Variants in TTC28 observed in about 807,000 individuals in gnomAD.
TTC28 encodes tetratricopeptide repeat domain 28.
Under a neutral mutation model 198.0 loss-of-function variants are expected in TTC28, and 61 were observed. The observed-to-expected ratio is 0.31, with a 90% CI of 0.25 to 0.38. The LOEUF (loss-of-function observed/expected upper bound fraction) is 0.38. Among genes scored for constraint, TTC28 ranks in the 10% least tolerant of loss-of-function variants. The pLI, the probability that TTC28 is intolerant of heterozygous loss-of-function variation, is 1.00. For missense variants in TTC28, 2,678 were observed against 3,164.0 expected, an observed-to-expected ratio of 0.85 and a Z score of 3.69; for synonymous variants, 1,171 against 1,297.8, an observed-to-expected ratio of 0.90 and a Z score of 2.10.
intron 2 of TTC28, among the ~76,000 whole-genome samples, chr22:28,495,769 A>C (rs571348659): frequency 6.6e-6 from 1 of 152,284 alleles, no homozygotes; most frequent in African/African-American, 2.4e-5. Context: ...AAAATTGTTC[A>C]AGTGCCTCCT....
intron 5 of TTC28, among the ~76,000 whole-genome samples, chr22:28,242,911 G>T (rs1370602530): frequency 2.0e-5 from 3 of 151,704 alleles, no homozygotes; most frequent in African/African-American, 7.3e-5. Context: ...AAAGTATGTA[G>T]AATGGTGCTG....
At chr22:27,983,927 C>A in intron 22 of TTC28, 76 bp from the exon 23 acceptor site, 1 of 1,427,758 alleles carries the variant, frequency 7.0e-7, no homozygotes, top group Admixed American at 2.7e-5. Flanking sequence ...AAATTTACGA[C>A]ATCTTTATAT....
chr22:28,205,246 G>C (rs1926302974), intron 5 of TTC28, among the ~76,000 whole-genome samples: 1 of 151,972 alleles, frequency 6.6e-6, no homozygotes, highest in South Asian at 2.1e-4. Flanking sequence ...GAGAGGGAGA[G>C]AGAAATGACT....
rs578198731 is a variant in TTC28, at chr22:28,421,024, G to C, written c.382-114381C>G. On this transcript the variant is annotated intron_variant, in intron 2 of 22. Transcript: ENST00000397906. The stretch of plus-strand genomic sequence containing the variant: ...CATCCAAAAAGTATCATAATTATGA[G>C]TGATCTAATAAAATGGTCTTTCCCT... Among the ~76,000 whole-genome samples, 96 of 152,192 alleles carry C rather than the reference G, an allele frequency of 6.3e-4. 1 individual carries two copies. In the South Asian group the frequency reaches 0.02, roughly 31 times the overall value.
chr22:28,046,856 CATGTGTGTTTGT>C (rs1270721061), intron 12 of TTC28, among the ~76,000 whole-genome samples: 1 of 152,094 alleles, frequency 6.6e-6, no homozygotes, highest in Non-Finnish European at 1.5e-5. Flanking sequence ...GATATACGTG[CATGTGTGTTTGT>C]ATGTGTGTGT....
chr22:28,535,461 T>C (rs1446810489), intron 2 of TTC28, among the ~76,000 whole-genome samples: 1 of 152,236 alleles, frequency 6.6e-6, no homozygotes, highest in Non-Finnish European at 1.5e-5. Context: ...ATACTTTTTG[T>C]TGCTAAATTT....
chr22:28,345,697 T>C (rs2045893431), intron 2 of TTC28, among the ~76,000 whole-genome samples: 2 of 152,220 alleles, frequency 1.3e-5, no homozygotes, highest in South Asian at 4.1e-4. Context: ...AAGACTTTTA[T>C]TGAATAGAAA....
At chr22:28,412,385 G>A (rs2047094750) in intron 2 of TTC28, among the ~76,000 whole-genome samples, 1 of 152,178 alleles carries the variant, frequency 6.6e-6, no homozygotes, top group African/African-American at 2.4e-5. Context: ...AGAAGTGGGA[G>A]AAGAGCTCAT....
intron 5 of TTC28, among the ~76,000 whole-genome samples, chr22:28,254,150 G>A (rs1429646339): frequency 6.6e-6 from 1 of 151,314 alleles, no homozygotes; most frequent in African/African-American, 2.4e-5. Context: ...TGAAAGGAAA[G>A]TAATGAGTCC....
At chr22:28,532,951 T>A (rs912159015) in intron 2 of TTC28, among the ~76,000 whole-genome samples, 5 of 152,190 alleles carry the variant, frequency 3.3e-5, no homozygotes, top group Non-Finnish European at 7.3e-5. Flanking sequence ...GCCAATGTCA[T>A]ACTGAATGGG....
At chr22:28,030,909 G>A (rs1287451473) in intron 12 of TTC28, among the ~76,000 whole-genome samples, 1 of 152,232 alleles carries the variant, frequency 6.6e-6, no homozygotes, top group Non-Finnish European at 1.5e-5. Context: ...ACAAGTGGTT[G>A]CAATGCTAGC....
chr22:28,628,567 C>A (rs2051115269), intron 2 of TTC28, among the ~76,000 whole-genome samples: 1 of 152,092 alleles, frequency 6.6e-6, no homozygotes, highest in Non-Finnish European at 1.5e-5. Context: ...TATATATCTG[C>A]AACTTTATAT....
chr22:28,003,450 G>A (rs1937797624), intron 14 of TTC28, among the ~76,000 whole-genome samples: 2 of 152,198 alleles, frequency 1.3e-5, no homozygotes, highest in South Asian at 2.1e-4. Flanking sequence ...CACTGTTCCA[G>A]AGTCGCAGGG....
chr22:28,094,080 C>T lies in TTC28; in HGVS notation c.3932G>A (p.Arg1311Lys), dbSNP rs780193552. Residue 1311 changes from arginine to lysine, a missense_variant and splice_region_variant, in exon 12 of 23, where the codon AGG becomes AAG. Around this residue, in one of 8 missense-constraint regions of TTC28, gnomAD observed 727 missense variants for 861.9 expected, o/e 0.84. Coordinates refer to ENST00000397906, the MANE Select transcript of TTC28 (RefSeq NM_001145418.2). ...EALGVESHYS[R>K]ACASSETESE... ...GACTTGGGGATGTTTTACTACCTAC[C>T]TTGAGTAGTGAGACTCCACCCCCAG... 4 of 1,540,034 alleles carry T rather than the reference C, an allele frequency of 2.6e-6. No homozygotes were observed. The highest frequency in any genetic ancestry group is 2.1e-5 in the Admixed American group (1 of 47,446).
intron 14 of TTC28, among the ~76,000 whole-genome samples, chr22:28,013,786 C>T (rs899350893): frequency 6.6e-6 from 1 of 152,126 alleles, no homozygotes; most frequent in African/African-American, 2.4e-5. Context: ...AGGGCACATC[C>T]ACGGCCACAT....
At chr22:28,127,145 A>G (rs1003350083) in intron 6 of TTC28, among the ~76,000 whole-genome samples, 1 of 152,264 alleles carries the variant, frequency 6.6e-6, no homozygotes, top group Non-Finnish European at 1.5e-5. Flanking sequence ...AATATTTGGT[A>G]CAGACAGAAA....
At chr22:28,550,763 G>T (rs2049652825) in intron 2 of TTC28, among the ~76,000 whole-genome samples, 1 of 151,900 alleles carries the variant, frequency 6.6e-6, no homozygotes, top group Non-Finnish European at 1.5e-5. Context: ...TACTGTTCCA[G>T]AATTAAAAAA....
intron 2 of TTC28, among the ~76,000 whole-genome samples, chr22:28,393,210 T>C (rs1181802130): frequency 6.6e-6 from 1 of 152,080 alleles, no homozygotes; most frequent in Non-Finnish European, 1.5e-5. Context: ...AACTAGATGA[T>C]CAGTTCTATG....
rs569511231 is a variant in TTC28, at chr22:28,236,748, A to G, written c.933+59450T>C. On this transcript the variant is annotated intron_variant, in intron 5 of 22. Transcript: ENST00000397906. ...ATCTCAACACTTTAAATTCCAGCGT[A>G]CGTTCAGAGAAAGGAACCAGAAAGC... 7.9e-5 allele frequency among the ~76,000 whole-genome samples: 12 copies of G among 152,348 alleles called. 1 individual carries two copies. Among genetic ancestry groups the G allele is most frequent in the African/African-American group, 2.9e-4 (12 of 41,586 alleles).
Sources: gnomAD v4.1 joint callset for allele counts (sites outside exome capture counted in the v4.1 genomes callset) on GRCh38, gnomAD v4.1.1 for gene constraint, gnomAD v4.1.1 regional missense constraint, MANE v1.5 for transcripts, NCBI Gene and HGNC (gene_info 2026-07-23, HGNC 2026-07-21) for gene names.